Variants in NCOA2 observed in about 807,000 individuals in gnomAD.
The protein encoded by NCOA2 is class E basic helix-loop-helix protein 75.
Under a neutral mutation model 145.1 loss-of-function variants are expected in NCOA2, and 21 were observed. That is an observed-to-expected ratio of 0.14 (90% CI 0.10 to 0.21). NCOA2 has a LOEUF of 0.21. Ranked by LOEUF, NCOA2 falls within the 10% of genes least tolerant of loss-of-function variation. The probability of loss-of-function intolerance (pLI) is 1.00; values close to 1 mark genes in which losing one functional copy is unlikely to be tolerated. For missense variants in NCOA2, 1,472 were observed against 1,837.6 expected (o/e 0.80, Z 3.64); for synonymous variants, 619 against 637.5 (o/e 0.97, Z 0.44).
At chr8:70,201,414 T>G (rs1167087334) in intron 4 of NCOA2, among the ~76,000 whole-genome samples, 2 of 152,180 alleles carry the variant, frequency 1.3e-5, no homozygotes. Context: ...GACTTTGCAC[T>G]CATGACAACA....
At chr8:70,274,785 ACAAT>A (rs1254920193) in intron 2 of NCOA2, among the ~76,000 whole-genome samples, 1 of 152,238 alleles carries the variant, frequency 6.6e-6, no homozygotes, top group Admixed American at 6.5e-5. Flanking sequence ...CTGCAACGCA[ACAAT>A]CCCATAAAAT....
intron 13 of NCOA2, 57 bp from the exon 14 acceptor site, chr8:70,141,456 G>C (rs534014953): frequency 1.4e-6 from 2 of 1,425,516 alleles, no homozygotes; most frequent in African/African-American, 1.4e-5. Flanking sequence ...TATTTAGCAT[G>C]TATGAACACC....
chr8:70,127,139 A>G (rs1452563977), intron 18 of NCOA2, 92 bp from the exon 19 acceptor site: 1 of 850,694 alleles, frequency 1.2e-6, no homozygotes, highest in African/African-American at 1.7e-5. Context: ...AGCAAATGGT[A>G]CTATCATCTG....
intron 1 of NCOA2, among the ~76,000 whole-genome samples, chr8:70,399,511 C>T (rs1253816785): frequency 1.3e-5 from 2 of 152,134 alleles, no homozygotes; most frequent in African/African-American, 4.8e-5. Context: ...AATAAAAGAC[C>T]AATACCTTAA....
chr8:70,262,564 C>A (rs1421790395), intron 2 of NCOA2, among the ~76,000 whole-genome samples: 1 of 152,138 alleles, frequency 6.6e-6, no homozygotes, highest in Admixed American at 6.5e-5. Flanking sequence ...AAATCAAGCA[C>A]CCATGCTGCC....
the NCOA2 span, among the ~76,000 whole-genome samples, chr8:70,444,228 T>C: frequency 3.6e-4 from 55 of 152,326 alleles, no homozygotes; most frequent in Middle Eastern, 3.4e-3. Context: ...CTTGAATAGA[T>C]CTCAAGGATA....
At chr8:70,448,621 C>T in the NCOA2 span, among the ~76,000 whole-genome samples, 4 of 152,186 alleles carry the variant, frequency 2.6e-5, no homozygotes, top group South Asian at 8.3e-4. Context: ...CAACATTTTT[C>T]TTTTTTCCTT....
Position 70,174,745 on chromosome 8 carries a change from AG to A in NCOA2, c.363+10del. 1 of 1,604,076 alleles carries A rather than the reference AG, an allele frequency of 6.2e-7. No individual in the cohort carries two copies. Among genetic ancestry groups the A allele is most frequent in the Non-Finnish European group, 8.5e-7 (1 of 1,170,958 alleles). On this transcript the variant is annotated intron_variant, in intron 5 of 22. Coordinates refer to ENST00000452400, the MANE Select transcript of NCOA2 (RefSeq NM_006540.4). The stretch of plus-strand genomic sequence containing the variant: ...ATTTTAAAATACAGCACTAAAATGA[AG>A]ATGTGCTACCTCAAGCATCATAGGC...
the NCOA2 span, among the ~76,000 whole-genome samples, chr8:70,432,998 A>C: frequency 1.3e-5 from 2 of 152,200 alleles, no homozygotes; most frequent in Non-Finnish European, 2.9e-5. Flanking sequence ...GCATGTCACA[A>C]ACCAGTTTTA....
rs199980969 is a variant in NCOA2, at chr8:70,156,047, G to C, written c.2318C>G (p.Thr773Arg). 1.9e-6 allele frequency: 3 copies of C among 1,613,274 alleles called. No individual in the cohort carries two copies. The East Asian group carries it at 6.7e-5, about 36-fold the overall frequency. Residue 773 changes from threonine (T) to arginine (R), a missense_variant, in exon 11 of 23, where the codon ACA (threonine) becomes AGA (arginine). Physicochemically the swap from Thr to Arg is moderately conservative, Grantham distance 71. Around this residue, in one of 4 missense-constraint regions of NCOA2, gnomAD observed 953 missense variants for 1,062.1 expected, o/e 0.90. Coordinates refer to ENST00000452400, the MANE Select transcript of NCOA2 (RefSeq NM_006540.4). ...TAATTTTGTGTTACTGGCAGGATCTGTCTTACTGTCCAGTCTCTCAAGTTT... is the reference window on the plus strand; with the variant it reads ...TAATTTTGTGTTACTGGCAGGATCTCTCTTACTGTCCAGTCTCTCAAGTTT... ...TPKLERLDSK[T>R]DPASNTKLIA...
At chr8:70,416,473 A>G in the NCOA2 span, among the ~76,000 whole-genome samples, 1 of 152,226 alleles carries the variant, frequency 6.6e-6, no homozygotes, top group Non-Finnish European at 1.5e-5. Flanking sequence ...TGATACAACT[A>G]TCTTGTGTGT....
intron 1 of NCOA2, among the ~76,000 whole-genome samples, chr8:70,386,345 C>T (rs1812663000): frequency 6.6e-6 from 1 of 152,146 alleles, no homozygotes; most frequent in Admixed American, 6.5e-5. Context: ...ATCATCCATG[C>T]TCTCACCATG....
intron 21 of NCOA2, among the ~76,000 whole-genome samples, chr8:70,121,795 A>G (rs1475115707): frequency 6.6e-6 from 1 of 152,230 alleles, no homozygotes; most frequent in Non-Finnish European, 1.5e-5. Flanking sequence ...CAAGTTATTA[A>G]TTATCAAGAG....
chr8:70,160,682 G>GAGAGAGAGAGAGAGAGAGA lies in NCOA2; in HGVS notation c.977-1031_977-1030insTCTCTCTCTCTCTCTCTCT, dbSNP rs371258460. Among the ~76,000 whole-genome samples, 92 of 58,324 alleles carry GAGAGAGAGAGAGAGAGAGA rather than the reference G, an allele frequency of 1.6e-3. 2 individuals carry two copies. The highest frequency in any genetic ancestry group is 1.9e-3 in the African/African-American group (46 of 23,972). 38.3% of individuals were successfully genotyped at this position (58,324 alleles called of 152,430 possible). On this transcript the variant is annotated intron_variant, in intron 9 of 22. Coordinates refer to ENST00000452400, the MANE Select transcript of NCOA2 (RefSeq NM_006540.4). ...GACAGAGAGAGAGAGAGAGAGAGAG[G>GAGAGAGAGAGAGAGAGAGA]GAGAGAGAGAGAGAGAGAGACTGAC...
At chr8:70,300,429 G>A (rs2135815631) in intron 1 of NCOA2, among the ~76,000 whole-genome samples, 1 of 152,262 alleles carries the variant, frequency 6.6e-6, no homozygotes, top group Non-Finnish European at 1.5e-5. Context: ...GCGTGAGTAG[G>A]GATCTAAGGG....
At chr8:70,292,429 T>G (rs1035935247) in intron 2 of NCOA2, among the ~76,000 whole-genome samples, 4 of 151,458 alleles carry the variant, frequency 2.6e-5, no homozygotes, top group African/African-American at 9.7e-5. Context: ...GGATTACAGG[T>G]GTGAGCCACC....
intron 2 of NCOA2, among the ~76,000 whole-genome samples, chr8:70,236,058 C>T (rs1236112687): frequency 6.6e-6 from 1 of 152,030 alleles, no homozygotes; most frequent in Non-Finnish European, 1.5e-5. Flanking sequence ...TTTTATTCCC[C>T]GCCCCCAAAA....
intron 1 of NCOA2, among the ~76,000 whole-genome samples, chr8:70,354,094 A>G (rs2013352180): frequency 6.6e-6 from 1 of 152,200 alleles, no homozygotes; most frequent in Non-Finnish European, 1.5e-5. Flanking sequence ...TCCCAAGGGT[A>G]TGACCAAGAA....
chr8:70,349,508 G>A lies in NCOA2; in HGVS notation c.-76-52708C>T, dbSNP rs572432172. On this transcript the variant is annotated intron_variant, in intron 1 of 22. Transcript: ENST00000452400. ...ATCATGTCAATAGATGCAAACTAGA[G>A]AAGAAAAAAACTATTAGCAAACTCC... 3.3e-5 allele frequency among the ~76,000 whole-genome samples: 5 copies of A among 152,012 alleles called. No individual in the cohort carries two copies. The South Asian group carries it at 1.0e-3, about 32-fold the overall frequency.
Sources: allele counts gnomAD v4.1 joint callset (sites outside exome capture counted in the v4.1 genomes callset), GRCh38; gene constraint gnomAD v4.1.1; regional missense constraint gnomAD v4.1.1; transcripts MANE v1.5; gene names NCBI Gene and HGNC (gene_info 2026-07-23, HGNC 2026-07-21).